The following TRPM7 variants were observed in gnomAD, a reference collection of about 807,000 sequenced individuals.
TRPM7 encodes LTRPC ion channel family member 7.
In TRPM7, 134 loss-of-function variants were observed where a neutral mutation model predicts 229.7. The observed-to-expected ratio is 0.58, with a 90% CI of 0.51 to 0.67. The LOEUF is 0.67. Ranked by LOEUF, TRPM7 falls within the 30% of genes least tolerant of loss-of-function variation. The pLI, the probability that TRPM7 is intolerant of heterozygous loss-of-function variation, is 0.00. For synonymous variants in TRPM7, 699 were observed against 715.2 expected (o/e 0.98, Z 0.36); for missense variants, 1,901 against 2,210.0 (o/e 0.86, Z 2.80).
intron 7 of TRPM7, 93 bp downstream of exon 7, chr15:50,637,329 G>A: frequency 2.6e-6 from 3 of 1,160,872 alleles, no homozygotes; most frequent in East Asian, 2.4e-5. Context: ...ATGTAAGAAA[G>A]AGCACTTCAA....
chr15:50,557,357 C>G lies in TRPM7; in HGVS notation c.*4321G>C, dbSNP rs2053176345. ...AGCAAGGTATTGGGTGCTACTCAAT[C>G]CAGTGAAGTCTTGAGGGTCCCTTCC... On this transcript the variant is annotated 3_prime_UTR_variant, in exon 39 of 39. Coordinates refer to ENST00000646667, the MANE Select transcript of TRPM7 (RefSeq NM_017672.6). 6.6e-6 allele frequency: 1 copy of G among 150,468 alleles called. No individual in the cohort carries two copies. Among genetic ancestry groups the G allele is most frequent in the African/African-American group, 2.4e-5 (1 of 41,348 alleles). The allele number at this position is 150,468 out of a possible 1,614,324, so 9.3% of individuals were successfully genotyped here.
At chr15:50,613,272 G>A (rs1003453003) in intron 15 of TRPM7, among the ~76,000 whole-genome samples, 10 of 152,270 alleles carry the variant, frequency 6.6e-5, no homozygotes, top group Middle Eastern at 3.4e-3. Context: ...GGGAGGCTGA[G>A]GAGGATGGAT....
intron 9 of TRPM7, among the ~76,000 whole-genome samples, chr15:50,632,172 G>A (rs566171826): frequency 3.9e-5 from 6 of 152,046 alleles, no homozygotes; most frequent in Admixed American, 1.3e-4. Context: ...GCATGGTGGC[G>A]TATGCCTGTA....
At position 50,609,577 on chromosome 15, in the gene TRPM7, A is replaced by G. The variant is rs771672855; in HGVS notation, c.2580+4T>C. ...CATTATGCTTGTGTAATTTAAAAAC[A>G]TACCGTGTTAAACCAGAATTTTACA... On this transcript the variant is annotated splice_donor_region_variant and intron_variant, in intron 19 of 38. Coordinates refer to ENST00000646667, the MANE Select transcript of TRPM7 (RefSeq NM_017672.6). 6.3e-7 allele frequency: 1 copy of G among 1,596,976 alleles called. No individual in the cohort carries two copies. Among genetic ancestry groups the G allele is most frequent in the South Asian group, 1.1e-5 (1 of 86,992 alleles).
At chr15:50,641,430 T>C (rs948553695) in intron 5 of TRPM7, among the ~76,000 whole-genome samples, 16 of 152,288 alleles carry the variant, frequency 1.1e-4, no homozygotes, top group Middle Eastern at 3.4e-3. Context: ...TTCTTGTACC[T>C]TGCTTCCTCA....
chr15:50,621,072 T>C (rs1428041757), intron 12 of TRPM7, among the ~76,000 whole-genome samples: 2 of 145,918 alleles, frequency 1.4e-5, no homozygotes, highest in African/African-American at 5.1e-5. Flanking sequence ...GGCAGGAGAA[T>C]GCCGTGAACC....
intron 27 of TRPM7, chr15:50,588,321 G>C: frequency 1.4e-6 from 1 of 700,270 alleles, no homozygotes; most frequent in Non-Finnish European, 1.8e-6. Context: ...AAAAACCCAG[G>C]TAATCATTAC....
At chr15:50,589,156 T>C (rs1259290391) in intron 27 of TRPM7, among the ~76,000 whole-genome samples, 1 of 152,108 alleles carries the variant, frequency 6.6e-6, no homozygotes, top group Non-Finnish European at 1.5e-5. Flanking sequence ...ACCTCATCTC[T>C]ACTAAAAATA....
At chr15:50,593,897 A>G (rs1171884341) in intron 24 of TRPM7, 148 bp from the exon 25 acceptor site, 5 of 746,090 alleles carry the variant, frequency 6.7e-6, no homozygotes, top group Non-Finnish European at 1.0e-5. Context: ...CTAAAGCACT[A>G]GACAATTATC....
At chr15:50,622,072 G>A (rs751496696) in intron 12 of TRPM7, among the ~76,000 whole-genome samples, 1 of 151,730 alleles carries the variant, frequency 6.6e-6, no homozygotes, top group Non-Finnish European at 1.5e-5. Context: ...CAGGCAGAAG[G>A]GTGCTAATTT....
chr15:50,587,072 T>C (rs1041272742), intron 27 of TRPM7, among the ~76,000 whole-genome samples: 4 of 152,024 alleles, frequency 2.6e-5, no homozygotes, highest in African/African-American at 4.8e-5. Context: ...TGGAAAAATA[T>C]ACAAAACTGT....
In TRPM7 at chr15:50,623,408, CAA is replaced by C. The variant is rs71910502; in HGVS notation, c.1440+756_1440+757del. ...GCCTGGTGACAGAGCGAGATTCTGTCAAAAAAAAAAAAAAGAAAGAAAAAAGT... is the reference window on the plus strand; with the variant it reads ...GCCTGGTGACAGAGCGAGATTCTGTCAAAAAAAAAAAAGAAAGAAAAAAGT... On this transcript the variant is annotated intron_variant, in intron 12 of 38. Coordinates refer to ENST00000646667, the MANE Select transcript of TRPM7 (RefSeq NM_017672.6). Among the ~76,000 whole-genome samples the C allele has an allele frequency of 9.7e-3, 1,155 of 119,036 alleles. 5 individuals carry two copies. Among genetic ancestry groups the C allele is most frequent in the Non-Finnish European group, 0.015 (874 of 57,478 alleles). The allele number at this position is 119,036 out of a possible 152,430, so 78.1% of individuals were successfully genotyped here.
intron 27 of TRPM7, among the ~76,000 whole-genome samples, chr15:50,589,042 C>T (rs1012746568): frequency 1.3e-5 from 2 of 152,010 alleles, no homozygotes; most frequent in Non-Finnish European, 2.9e-5. Context: ...GAAATGTAGG[C>T]CGGGCACAGT....
intron 22 of TRPM7, among the ~76,000 whole-genome samples, chr15:50,596,597 G>A (rs955910571): frequency 9.3e-5 from 14 of 151,100 alleles, no homozygotes; most frequent in African/African-American, 2.9e-4. Flanking sequence ...TGTGAGAAAT[G>A]TGGGTGCTAT....
chr15:50,593,073 G>A (rs568184259), intron 25 of TRPM7, among the ~76,000 whole-genome samples: 126 of 152,008 alleles, frequency 8.3e-4, no homozygotes, highest in Non-Finnish European at 1.3e-3. Flanking sequence ...GGCAGATCAC[G>A]AGGTCAGGAG....
chr15:50,616,682 T>G (rs1041541832), intron 13 of TRPM7, among the ~76,000 whole-genome samples: 1 of 14,716 alleles, frequency 6.8e-5, no homozygotes, highest in African/African-American at 1.4e-4. Context: ...AAAAAATGTA[T>G]GCTTTTTTTT....
At chr15:50,581,453 C>T (rs540587537) in intron 29 of TRPM7, among the ~76,000 whole-genome samples, 2 of 151,678 alleles carry the variant, frequency 1.3e-5, no homozygotes, top group South Asian at 2.1e-4. Context: ...GAGCCAAGAT[C>T]GTGCCATTGC....
rs541606801 is a variant in TRPM7 at position 50,586,209 on chromosome 15, T to TA, written c.4486+182dup. Among the ~76,000 whole-genome samples the TA allele has an allele frequency of 4.5e-4, 69 of 152,342 alleles. 1 individual carries two copies. The South Asian group carries it at 0.013, about 29-fold the overall frequency. On this transcript the variant is annotated intron_variant, in intron 28 of 38. Transcript: ENST00000646667. ...AAACAATTTGTAAAACATATTCTAATAAAACATTCTAATGAATGCTAGGAT... is the reference window on the plus strand; with the variant it reads ...AAACAATTTGTAAAACATATTCTAATAAAAACATTCTAATGAATGCTAGGAT...
intron 4 of TRPM7, among the ~76,000 whole-genome samples, chr15:50,643,836 T>G (rs1237118364): frequency 6.6e-6 from 1 of 152,186 alleles, no homozygotes; most frequent in Non-Finnish European, 1.5e-5. Flanking sequence ...TTGACCCAAT[T>G]TACCCAAGTA....
Sources: allele counts gnomAD v4.1 joint callset (sites outside exome capture counted in the v4.1 genomes callset), GRCh38; gene constraint gnomAD v4.1.1; transcripts MANE v1.5; gene names NCBI Gene and HGNC (gene_info 2026-07-23, HGNC 2026-07-21).